The following PLCH1 variants were observed in gnomAD, a reference collection of about 807,000 sequenced individuals.
PLCH1 encodes the protein 1-phosphatidylinositol 4,5-bisphosphate phosphodiesterase eta-1.
Under a neutral mutation model 126.7 loss-of-function variants are expected in PLCH1, and 60 were observed. The observed-to-expected ratio is 0.47, with a 90% CI of 0.38 to 0.59. PLCH1 has a LOEUF of 0.59. PLCH1 is among the 20% of genes least tolerant of loss of function. PLCH1 has a pLI of 0.00. For synonymous variants in PLCH1, 719 were observed against 734.9 expected (o/e 0.98, Z 0.35); for missense variants, 1,723 against 2,040.0 (o/e 0.84, Z 2.99).
intron 8 of PLCH1, 44 bp downstream of exon 8, chr3:155,564,871 C>T (rs764103245): frequency 7.1e-6 from 9 of 1,262,170 alleles, no homozygotes; most frequent in Non-Finnish European, 8.1e-6. Flanking sequence ...GATTAAAGGA[C>T]AGGGTCACCC....
intron 10 of PLCH1, among the ~76,000 whole-genome samples, chr3:155,542,841 G>GC (rs1461072860): frequency 7.2e-5 from 11 of 152,140 alleles, no homozygotes; most frequent in African/African-American, 2.6e-4. Flanking sequence ...TCTGTTAGAA[G>GC]GAAAACTAAC....
At chr3:155,469,526 C>A (rs1407580619) in intron 21 of PLCH1, among the ~76,000 whole-genome samples, 2 of 152,118 alleles carry the variant, frequency 1.3e-5, no homozygotes, top group South Asian at 2.1e-4. Flanking sequence ...CCCAGGCTTG[C>A]TTAGGTAAAC....
intron 2 of PLCH1, among the ~76,000 whole-genome samples, chr3:155,646,422 T>C (rs1417782744): frequency 6.6e-6 from 1 of 152,160 alleles, no homozygotes; most frequent in Non-Finnish European, 1.5e-5. Context: ...GACCAGCTAG[T>C]GTCACAGTTC....
intron 21 of PLCH1, among the ~76,000 whole-genome samples, chr3:155,469,030 A>G (rs1438205627): frequency 6.6e-6 from 1 of 152,204 alleles, no homozygotes; most frequent in Non-Finnish European, 1.5e-5. Context: ...TCACAAAACA[A>G]GTCTTAAAAC....
chr3:155,500,679 G>C (rs371868196), intron 14 of PLCH1, 24 bp downstream of exon 14: 41 of 1,460,676 alleles, frequency 2.8e-5, no homozygotes, highest in Admixed American at 5.1e-5. Flanking sequence ...AGTGTGAGTA[G>C]GAAACATGGA....
At chr3:155,679,980 C>A (rs16825256) in intron 2 of PLCH1, among the ~76,000 whole-genome samples, 3 of 151,914 alleles carry the variant, frequency 2.0e-5, no homozygotes, top group Non-Finnish European at 2.9e-5. Flanking sequence ...GGCCTGATAT[C>A]GAAATTCCTC....
chr3:155,481,182 G>GTGGGTGCTGAGGGTTTGTTTC lies in PLCH1; in HGVS notation c.4823_4843dup (p.Arg1608_Pro1614dup). 6.2e-7 allele frequency: 1 copy of GTGGGTGCTGAGGGTTTGTTTC among 1,614,242 alleles called. No homozygotes were observed. Among genetic ancestry groups the GTGGGTGCTGAGGGTTTGTTTC allele is most frequent in the Non-Finnish European group, 8.5e-7 (1 of 1,180,040 alleles). On this transcript the variant is annotated inframe_insertion, in exon 23 of 23. Transcript: ENST00000460012. The surrounding 1 kb of genome is among the most constrained non-coding windows in gnomAD (Gnocchi z 4.2). Reference sequence around the variant, plus strand: ...GGTGGAGTGGCGATTCACTGCAGGGGTGGGTGCTGAGGGTTTGTTTCTAAG... The same window carrying GTGGGTGCTGAGGGTTTGTTTC: ...GGTGGAGTGGCGATTCACTGCAGGGGTGGGTGCTGAGGGTTTGTTTCTGGGTGCTGAGGGTTTGTTTCTAAG...
At chr3:155,652,694 C>T (rs1740851034) in intron 2 of PLCH1, among the ~76,000 whole-genome samples, 1 of 152,238 alleles carries the variant, frequency 6.6e-6, no homozygotes, top group African/African-American at 2.4e-5. Context: ...CCACTGATTC[C>T]TCCTCACACC....
intron 1 of PLCH1, among the ~76,000 whole-genome samples, chr3:155,726,095 G>C (rs1748297559): frequency 6.6e-6 from 1 of 152,020 alleles, no homozygotes; most frequent in African/African-American, 2.4e-5. Flanking sequence ...AACTCCTTTT[G>C]CTTCTCCAAC....
At chr3:155,553,047 T>A (rs1174726581) in intron 9 of PLCH1, among the ~76,000 whole-genome samples, 3 of 152,194 alleles carry the variant, frequency 2.0e-5, no homozygotes, top group African/African-American at 7.2e-5. Context: ...GAGTCTTATC[T>A]TCTGCTCACT....
intron 2 of PLCH1, among the ~76,000 whole-genome samples, chr3:155,691,803 T>C (rs1241321767): frequency 6.6e-6 from 1 of 152,230 alleles, no homozygotes; most frequent in Non-Finnish European, 1.5e-5. Context: ...GTGAACTGTG[T>C]AGTTCTCATC....
chr3:155,639,581 T>G (rs1967426), intron 2 of PLCH1, among the ~76,000 whole-genome samples: 64,060 of 151,812 alleles, frequency 0.42, 17,631 homozygotes, highest in African/African-American at 0.77. Context: ...AGGGAAGGAG[T>G]GGGCTAAGGG....
chr3:155,664,815 T>C (rs1006131858), intron 2 of PLCH1, among the ~76,000 whole-genome samples: 2 of 152,250 alleles, frequency 1.3e-5, no homozygotes, highest in Non-Finnish European at 2.9e-5. Context: ...GGTCTTATTA[T>C]CTTCATTTTA....
chr3:155,467,963 C>T (rs1301034877), intron 21 of PLCH1, among the ~76,000 whole-genome samples: 2 of 152,150 alleles, frequency 1.3e-5, no homozygotes, highest in Non-Finnish European at 2.9e-5. Context: ...AGCATTATAA[C>T]ACCATAACTG....
chr3:155,551,441 T>A (rs1726102760), intron 9 of PLCH1, among the ~76,000 whole-genome samples: 1 of 63,762 alleles, frequency 1.6e-5, no homozygotes. Context: ...CAAGGCTGCC[T>A]CAGAAAAAAA....
chr3:155,557,010 A>G (rs1726904844), intron 8 of PLCH1, among the ~76,000 whole-genome samples: 1 of 152,204 alleles, frequency 6.6e-6, no homozygotes, highest in Non-Finnish European at 1.5e-5. Context: ...AGAAGAAAAA[A>G]CATTCACAGT....
intron 9 of PLCH1, among the ~76,000 whole-genome samples, chr3:155,551,684 CAAAAAA>C (rs35872401): frequency 1.0e-4 from 9 of 87,002 alleles, no homozygotes; most frequent in Middle Eastern, 6.1e-3. Flanking sequence ...AGCTCTCTAC[CAAAAAA>C]AAAAAAAAAA....
chr3:155,670,242 C>A (rs1256705671), intron 2 of PLCH1, among the ~76,000 whole-genome samples: 1 of 152,088 alleles, frequency 6.6e-6, no homozygotes, highest in Admixed American at 6.6e-5. Context: ...TCCTTTAAAG[C>A]TGCCTTTTAT....
In PLCH1 at chr3:155,606,600, C is replaced by T. The variant is rs935165595; in HGVS notation, c.80-10222G>A. ...AGTAGTAACCATTCACTCTAAGTGG[C>T]AGTTGCTTATAGTGAATGGTTATTA... On this transcript the variant is annotated intron_variant, in intron 2 of 22. Transcript: ENST00000460012. Among the ~76,000 whole-genome samples the T allele has an allele frequency of 3.7e-4, 57 of 152,180 alleles. 1 individual carries two copies. Among genetic ancestry groups the T allele is most frequent in the African/African-American group, 1.4e-3 (56 of 41,452 alleles).
Sources: allele counts gnomAD v4.1 joint callset (sites outside exome capture counted in the v4.1 genomes callset), GRCh38; gene constraint gnomAD v4.1.1; non-coding constraint Gnocchi (gnomAD v3.1); transcripts MANE v1.5; gene names NCBI Gene and HGNC (gene_info 2026-07-23, HGNC 2026-07-21).